The following KIAA2012 variants were observed in gnomAD, a reference collection of about 807,000 sequenced individuals.
KIAA2012 encodes the protein uncharacterized protein KIAA2012.
KIAA2012 carries 125 observed loss-of-function variants against 150.6 expected under a neutral mutation model. The observed-to-expected ratio is 0.83, with a 90% CI of 0.72 to 0.96. KIAA2012 has a LOEUF of 0.96. Ranked by LOEUF, KIAA2012 falls within the 40% of genes least tolerant of loss-of-function variation. The pLI is 0.00. For synonymous variants in KIAA2012, 462 were observed against 504.7 expected (o/e 0.92, Z 1.13); for missense variants, 1,219 against 1,354.9 (o/e 0.90, Z 1.57).
chr2:202,089,793 T>C (rs1188518001), intron 2 of KIAA2012, among the ~76,000 whole-genome samples: 1 of 152,222 alleles, frequency 6.6e-6, no homozygotes, highest in Non-Finnish European at 1.5e-5. Context: ...AAAAGCGGCA[T>C]GAGGGACTTC....
chr2:202,182,108 CTTTTTTT>C (rs754494077), intron 15 of KIAA2012, among the ~76,000 whole-genome samples: 132 of 104,108 alleles, frequency 1.3e-3, no homozygotes, highest in African/African-American at 3.7e-3. Flanking sequence ...TTTCTTTATT[CTTTTTTT>C]TTTTTTTTTT....
At chr2:202,155,900 C>T (rs961025355) in intron 14 of KIAA2012, among the ~76,000 whole-genome samples, 1 of 152,138 alleles carries the variant, frequency 6.6e-6, no homozygotes, top group Non-Finnish European at 1.5e-5. Flanking sequence ...GGCAAGTTGG[C>T]CACCAGCTTC....
intron 4 of KIAA2012, 74 bp from the exon 5 acceptor site, chr2:202,097,361 A>G (rs960845691): frequency 2.6e-5 from 40 of 1,533,468 alleles, no homozygotes; most frequent in Non-Finnish European, 3.3e-5. Flanking sequence ...GCAAGAAGGG[A>G]GGCAGTTTGG....
At chr2:202,178,851 GAGTAGA>G (rs1349380065) in intron 15 of KIAA2012, 2 of 212,306 alleles carry the variant, frequency 9.4e-6, no homozygotes, top group Non-Finnish European at 1.9e-5. Context: ...CCCTGAACCT[GAGTAGA>G]AGTAGAAGAA....
intron 11 of KIAA2012, among the ~76,000 whole-genome samples, chr2:202,122,279 C>G (rs987941578): frequency 1.3e-5 from 2 of 152,236 alleles, no homozygotes; most frequent in Admixed American, 1.3e-4. Flanking sequence ...GCAGAGGGCT[C>G]AGGCTACTGC....
chr2:202,171,093 T>C (rs1691877265), intron 15 of KIAA2012, among the ~76,000 whole-genome samples: 2 of 145,512 alleles, frequency 1.4e-5, no homozygotes, highest in Admixed American at 7.0e-5. Flanking sequence ...TCCGGGGAAA[T>C]AGAGATTTAA....
chr2:202,094,836 T>C (rs1689823940), intron 4 of KIAA2012, among the ~76,000 whole-genome samples: 1 of 152,156 alleles, frequency 6.6e-6, no homozygotes, highest in East Asian at 1.9e-4. Context: ...TTTCATTTTA[T>C]GGCTGGATTA....
intron 9 of KIAA2012, among the ~76,000 whole-genome samples, chr2:202,108,170 C>G (rs1690249178): frequency 6.6e-6 from 1 of 152,192 alleles, no homozygotes; most frequent in African/African-American, 2.4e-5. Flanking sequence ...ATTACTTCAC[C>G]TCTAATACCA....
intron 15 of KIAA2012, among the ~76,000 whole-genome samples, chr2:202,171,112 TACACAC>T (rs10532176): frequency 0.41 from 60,725 of 149,606 alleles, 12,714 homozygotes; most frequent in South Asian, 0.49. Context: ...AAAGAAATAC[TACACAC>T]ACACACACAC....
At chr2:202,179,134 T>C in intron 15 of KIAA2012, 1 of 453,530 alleles carries the variant, frequency 2.2e-6, no homozygotes. Context: ...GAGGTTGGTT[T>C]TGTTTTAATA....
At chr2:202,169,275 A>G (rs1056113221) in intron 15 of KIAA2012, among the ~76,000 whole-genome samples, 3 of 152,242 alleles carry the variant, frequency 2.0e-5, no homozygotes, top group African/African-American at 7.2e-5. Flanking sequence ...AAAGGATTCA[A>G]AGATGACAAA....
intron 2 of KIAA2012, among the ~76,000 whole-genome samples, chr2:202,081,583 T>G (rs902697409): frequency 6.6e-6 from 1 of 150,640 alleles, no homozygotes; most frequent in Non-Finnish European, 1.5e-5. Context: ...GTTTCGCTCT[T>G]GTTGCCCAGA....
At chr2:202,099,918 C>T (rs920721135) in intron 6 of KIAA2012, 122 bp downstream of exon 6, 19 of 894,124 alleles carry the variant, frequency 2.1e-5, no homozygotes, top group Admixed American at 1.2e-4. Flanking sequence ...AAATAAAAGC[C>T]AGAATCTAGC....
intron 9 of KIAA2012, among the ~76,000 whole-genome samples, chr2:202,106,702 A>AT (rs1328957975): frequency 8.9e-5 from 12 of 134,642 alleles, no homozygotes; most frequent in South Asian, 2.2e-4. Flanking sequence ...AAAAAAAAAA[A>AT]ATTTTTTTTA....
At chr2:202,106,113 GTTAC>G in intron 9 of KIAA2012, 2 of 1,421,632 alleles carry the variant, frequency 1.4e-6, no homozygotes, top group Non-Finnish European at 1.9e-6. Flanking sequence ...CAGCTCACCA[GTTAC>G]TTACTCCCTA....
At chr2:202,106,056 G>A (rs1690183092) in intron 9 of KIAA2012, 146 bp downstream of exon 9, 1 of 1,530,586 alleles carries the variant, frequency 6.5e-7, no homozygotes. Flanking sequence ...CCTTTGTGCA[G>A]GCAGCAGCTG....
At chr2:202,088,806 T>C (rs1407409603) in intron 2 of KIAA2012, among the ~76,000 whole-genome samples, 1 of 152,226 alleles carries the variant, frequency 6.6e-6, no homozygotes, top group African/African-American at 2.4e-5. Flanking sequence ...CCCTAGTATG[T>C]GCCAGGCACT....
At chr2:202,099,504 G>A in intron 5 of KIAA2012, 109 bp from the exon 6 acceptor site, 2 of 875,184 alleles carry the variant, frequency 2.3e-6, no homozygotes, top group Non-Finnish European at 1.7e-6. Context: ...ACCTGCAAAA[G>A]AAATTTCATC....
intron 11 of KIAA2012, chr2:202,117,200 G>A (rs1690549468): frequency 6.6e-6 from 1 of 152,180 alleles, no homozygotes; most frequent in Non-Finnish European, 1.5e-5. Context: ...CATTTATTTT[G>A]CAGTAATAGA....
Sources: allele counts gnomAD v4.1 joint callset (sites outside exome capture counted in the v4.1 genomes callset), GRCh38; gene constraint gnomAD v4.1.1; transcripts MANE v1.5; gene names NCBI Gene and HGNC (gene_info 2026-07-23, HGNC 2026-07-21).